The following VPS50 variants were observed in gnomAD, a reference collection of about 807,000 sequenced individuals.
VPS50 encodes the protein syndetin.
A neutral mutation model predicts 139.7 loss-of-function variants in VPS50; 70 were observed. That is an observed-to-expected ratio of 0.50 (90% CI 0.41 to 0.61). The LOEUF (loss-of-function observed/expected upper bound fraction) is 0.61. VPS50 is among the 20% of genes least tolerant of loss of function. VPS50 has a pLI of 0.00. For missense variants in VPS50, 921 were observed against 1,133.7 expected, an observed-to-expected ratio of 0.81 and a Z score of 2.69; for synonymous variants, 365 against 376.7, an observed-to-expected ratio of 0.97 and a Z score of 0.36.
intron 9 of VPS50, among the ~76,000 whole-genome samples, chr7:93,260,142 T>G (rs1795622556): frequency 6.6e-6 from 1 of 152,244 alleles, no homozygotes; most frequent in Non-Finnish European, 1.5e-5. Context: ...ATGTGTTATG[T>G]CTTTTGTTTA....
chr7:93,286,585 G>A (rs1405035959), intron 12 of VPS50, among the ~76,000 whole-genome samples: 1 of 152,054 alleles, frequency 6.6e-6, no homozygotes, highest in Non-Finnish European at 1.5e-5. Context: ...CTTAATTTAG[G>A]TCTCTTTCCA....
At chr7:93,288,849 G>C (rs1241371722) in intron 12 of VPS50, among the ~76,000 whole-genome samples, 1 of 152,128 alleles carries the variant, frequency 6.6e-6, no homozygotes, top group African/African-American at 2.4e-5. Context: ...TAGTGAGAAG[G>C]GAGTCGGTCC....
chr7:93,341,143 A>C (rs1006705578), intron 22 of VPS50, among the ~76,000 whole-genome samples: 1 of 152,172 alleles, frequency 6.6e-6, no homozygotes, highest in South Asian at 2.1e-4. Context: ...GTCACTGTGA[A>C]ACATCTGTCA....
intron 2 of VPS50, among the ~76,000 whole-genome samples, chr7:93,243,055 T>C (rs1221856783): frequency 6.6e-6 from 1 of 151,926 alleles, no homozygotes; most frequent in African/African-American, 2.4e-5. Context: ...GTATAAACCA[T>C]CTGGTACAAT....
chr7:93,273,361 A>G (rs1375766716), intron 11 of VPS50: 1 of 152,086 alleles, frequency 6.6e-6, no homozygotes, highest in Non-Finnish European at 1.5e-5. Context: ...TACCTATACA[A>G]CATTTAATGT....
chr7:93,276,522 C>A, intron 12 of VPS50: 3 of 608,800 alleles, frequency 4.9e-6, no homozygotes, highest in Non-Finnish European at 7.4e-6. Context: ...AGCATGATTG[C>A]TTCTCAATCG....
chr7:93,293,385 G>C (rs1796704967), intron 13 of VPS50, among the ~76,000 whole-genome samples: 1 of 151,990 alleles, frequency 6.6e-6, no homozygotes, highest in African/African-American at 2.4e-5. Flanking sequence ...TTTTGCTTTA[G>C]GCCAATAGTT....
chr7:93,353,113 T>C (rs1052083259), intron 25 of VPS50, among the ~76,000 whole-genome samples: 5 of 152,162 alleles, frequency 3.3e-5, no homozygotes, highest in African/African-American at 1.2e-4. Flanking sequence ...AAAATGCTTC[T>C]GGCCCCAAGC....
intron 25 of VPS50, among the ~76,000 whole-genome samples, chr7:93,350,438 A>G (rs1467873572): frequency 6.6e-6 from 1 of 152,168 alleles, no homozygotes; most frequent in Non-Finnish European, 1.5e-5. Flanking sequence ...GCAGTGTGTC[A>G]TACAAACACC....
intron 18 of VPS50, among the ~76,000 whole-genome samples, chr7:93,308,034 A>G (rs1167870917): frequency 2.0e-5 from 3 of 151,950 alleles, no homozygotes; most frequent in Non-Finnish European, 4.4e-5. Flanking sequence ...CACTTAGCAT[A>G]ATACTTGGTT....
At chr7:93,287,819 T>C (rs985367722) in intron 12 of VPS50, among the ~76,000 whole-genome samples, 2 of 152,114 alleles carry the variant, frequency 1.3e-5, no homozygotes, top group African/African-American at 4.8e-5. Context: ...GTTTTTAGTC[T>C]TTTCTTGACC....
Position 93,253,882 on chromosome 7 carries a change from T to C in VPS50, c.248T>C (p.Leu83Ser). ...TAGAAGCTTCCACCTGTTCTCAATT[T>C]GCAAGAATTAGAGGCGTATAGAGAC... is the stretch of plus-strand genomic sequence containing the variant. The part of the protein sequence containing the change: ...ELEKLPPVLN[L>S]QELEAYRDKL... The change falls in exon 4 of 28, where the codon TTG (leucine) becomes TCG (serine). Residue 83 changes from leucine to serine, a missense_variant. Transcript: ENST00000305866. 1 of 1,599,558 alleles carries C rather than the reference T, an allele frequency of 6.3e-7. No homozygotes were observed. The highest frequency in any genetic ancestry group is 8.6e-7 in the Non-Finnish European group (1 of 1,168,726).
chr7:93,257,042 TTGTCA>T (rs1225384048), intron 5 of VPS50, among the ~76,000 whole-genome samples: 2 of 152,204 alleles, frequency 1.3e-5, no homozygotes, highest in South Asian at 4.1e-4. Context: ...GAAATCATAT[TTGTCA>T]TATCCTTTAA....
At chr7:93,242,669 A>G (rs1161353589) in intron 2 of VPS50, among the ~76,000 whole-genome samples, 1 of 151,906 alleles carries the variant, frequency 6.6e-6, no homozygotes, top group Non-Finnish European at 1.5e-5. Flanking sequence ...CCTCACTTAT[A>G]ACTGTAGGTA....
chr7:93,334,647 G>A (rs1798024918), intron 22 of VPS50, among the ~76,000 whole-genome samples: 1 of 152,218 alleles, frequency 6.6e-6, no homozygotes, highest in Admixed American at 6.5e-5. Context: ...GTTGCAGAGA[G>A]TGTCTGGGAC....
intron 11 of VPS50, among the ~76,000 whole-genome samples, chr7:93,274,330 T>A (rs1796091365): frequency 6.6e-6 from 1 of 152,128 alleles, no homozygotes; most frequent in African/African-American, 2.4e-5. Flanking sequence ...AAAGACAGGT[T>A]GACTCTCTTA....
intron 21 of VPS50, among the ~76,000 whole-genome samples, chr7:93,326,462 AAT>A (rs1491051833): frequency 6.7e-6 from 1 of 150,176 alleles, no homozygotes; most frequent in African/African-American, 2.5e-5. Context: ...ATAAAAAAAA[AAT>A]AAAATAAAAT....
chr7:93,299,254 C>G (rs1479232089), intron 16 of VPS50, among the ~76,000 whole-genome samples: 2 of 152,050 alleles, frequency 1.3e-5, no homozygotes, highest in African/African-American at 4.8e-5. Flanking sequence ...TGTTTCTTTA[C>G]AAAACAAGAT....
At chr7:93,258,417 T>C in intron 8 of VPS50, 25 bp downstream of exon 8, 1 of 1,587,934 alleles carries the variant, frequency 6.3e-7, no homozygotes, top group Non-Finnish European at 8.6e-7. Flanking sequence ...TTTGGAAATT[T>C]AGGGTCCTAC....
Sources: allele counts gnomAD v4.1 joint callset (sites outside exome capture counted in the v4.1 genomes callset), GRCh38; gene constraint gnomAD v4.1.1; transcripts MANE v1.5; gene names NCBI Gene and HGNC (gene_info 2026-07-23, HGNC 2026-07-21).